Variants in CENPC observed in about 807,000 individuals in gnomAD.
CENPC encodes the protein CENP-C 1.
CENPC carries 63 observed loss-of-function variants against 112.1 expected under a neutral mutation model. The ratio of observed to expected loss-of-function variants is 0.56; its 90% CI spans 0.46 to 0.69. The LOEUF (loss-of-function observed/expected upper bound fraction) is 0.69, where lower values mean the gene tolerates loss of function less well. CENPC is among the 30% of genes least tolerant of loss of function. The pLI is 0.00. For missense variants in CENPC, 1,000 were observed against 1,103.8 expected, an observed-to-expected ratio of 0.91 and a Z score of 1.33; for synonymous variants, 333 against 367.6, an observed-to-expected ratio of 0.91 and a Z score of 1.08.
At chr4:67,490,725 CA>C (rs1725225754) in intron 16 of CENPC, among the ~76,000 whole-genome samples, 1 of 151,060 alleles carries the variant, frequency 6.6e-6, no homozygotes, top group Admixed American at 6.6e-5. Flanking sequence ...CATTACTTAA[CA>C]AACTTTTCCA....
chr4:67,534,877 G>GT (rs1467695229), intron 4 of CENPC, among the ~76,000 whole-genome samples: 3 of 152,086 alleles, frequency 2.0e-5, no homozygotes, highest in Non-Finnish European at 4.4e-5. Context: ...AATGAGCAAA[G>GT]TAAGTAAAAA....
intron 12 of CENPC, among the ~76,000 whole-genome samples, chr4:67,498,860 T>G (rs1725512020): frequency 6.6e-6 from 1 of 152,240 alleles, no homozygotes. Context: ...TCTAGAATGG[T>G]GAATCCTTTC....
intron 5 of CENPC, among the ~76,000 whole-genome samples, chr4:67,525,497 A>G (rs1726348925): frequency 6.6e-6 from 1 of 152,204 alleles, no homozygotes; most frequent in Admixed American, 6.5e-5. Context: ...TCCCATCAAA[A>G]AGTGGGCAAA....
intron 4 of CENPC, among the ~76,000 whole-genome samples, chr4:67,539,283 C>T (rs1726814937): frequency 6.6e-6 from 1 of 152,128 alleles, no homozygotes; most frequent in Admixed American, 6.5e-5. Context: ...TGTTGATTGC[C>T]TTTTACAGTT....
rs1188779148 is a variant in CENPC at position 67,519,333 on chromosome 4, T to C, written c.501A>G (p.Thr167=). The C allele has an allele frequency of 3.1e-6, 5 of 1,612,872 alleles. No homozygotes were observed. The South Asian group carries it at 4.4e-5, about 14-fold the overall frequency. The change falls in exon 6 of 19, where the codon ACA becomes ACG. Residue 167 remains threonine, a synonymous_variant. Transcript: ENST00000273853. The part of the protein sequence containing the change: ...GSPSVLLDAK[T]SVSQNVIPSS... Reference sequence around the variant, plus strand: ...ATGGAATAACATTTTGTGATACAGATGTTTTTGCATCCAAAAGAACAGAAG... The same window carrying C: ...ATGGAATAACATTTTGTGATACAGACGTTTTTGCATCCAAAAGAACAGAAG...
chr4:67,477,311 G>A (rs1359434137), intron 17 of CENPC, among the ~76,000 whole-genome samples: 1 of 152,184 alleles, frequency 6.6e-6, no homozygotes, highest in Non-Finnish European at 1.5e-5. Flanking sequence ...TCACTCCCCT[G>A]CTACCTCCAC....
Position 67,471,360 on chromosome 4 carries a change from T to C in CENPC, c.*1245A>G, listed in dbSNP as rs1012305518. On this transcript the variant is annotated 3_prime_UTR_variant, in exon 19 of 19. Transcript: ENST00000273853. ...ACAAAATTGAGTTGCTACAATATGCTACCTAAAATGTCCAGCTGTCAACCA... is the reference window on the plus strand; with the variant it reads ...ACAAAATTGAGTTGCTACAATATGCCACCTAAAATGTCCAGCTGTCAACCA... 3.3e-5 allele frequency: 5 copies of C among 152,112 alleles called. No individual in the cohort carries two copies. The highest frequency in any genetic ancestry group is 1.2e-4 in the African/African-American group (5 of 41,412). 9.4% of individuals were successfully genotyped at this position (152,112 alleles called of 1,614,324 possible).
At chr4:67,498,768 G>A (rs781738356) in intron 12 of CENPC, among the ~76,000 whole-genome samples, 1 of 152,014 alleles carries the variant, frequency 6.6e-6, no homozygotes, top group African/African-American at 2.4e-5. Context: ...CACCCATAAG[G>A]GTTGGAATCA....
chr4:67,544,286 C>A, intron 1 of CENPC, 91 bp from the exon 2 acceptor site: 1 of 709,926 alleles, frequency 1.4e-6, no homozygotes, highest in Non-Finnish European at 2.5e-6. Context: ...TATGGGCATG[C>A]TATACACCAA....
intron 12 of CENPC, among the ~76,000 whole-genome samples, chr4:67,502,402 GA>G (rs1263336247): frequency 7.8e-3 from 169 of 21,558 alleles, no homozygotes; most frequent in African/African-American, 0.027. Flanking sequence ...AAAAGATAAA[GA>G]AACAACAACC....
At chr4:67,529,359 C>T (rs952202341) in intron 5 of CENPC, among the ~76,000 whole-genome samples, 2 of 152,120 alleles carry the variant, frequency 1.3e-5, no homozygotes, top group Non-Finnish European at 2.9e-5. Context: ...GGGTCTCACT[C>T]TGTCGCCCAG....
At position 67,494,089 on chromosome 4, in the gene CENPC, G is replaced by A. The variant is rs369923101; in HGVS notation, c.2186-101C>T. 1.1e-4 allele frequency: 61 copies of A among 535,366 alleles called. No individual in the cohort carries two copies. The East Asian group carries it at 1.4e-3, about 13-fold the overall frequency. The allele number at this position is 535,366 out of a possible 1,614,324, so 33.2% of individuals were successfully genotyped here. A position where few individuals can be genotyped will look rare whatever the true frequency, so the allele number is the denominator to read the frequency against. ...TAGAACATGAAAGCTTTATTTTTTA[G>A]AACATGAATATTTTTCTAGACAAAA... On this transcript the variant is annotated intron_variant, in intron 13 of 18. Coordinates refer to ENST00000273853, the MANE Select transcript of CENPC (RefSeq NM_001812.4).
chr4:67,490,127 A>G lies in CENPC; in HGVS notation c.2516-6T>C. 6.3e-7 allele frequency: 1 copy of G among 1,579,922 alleles called. No individual in the cohort carries two copies. Among genetic ancestry groups the G allele is most frequent in the Middle Eastern group, 1.7e-4 (1 of 5,934 alleles). On this transcript the variant is annotated splice_polypyrimidine_tract_variant and splice_region_variant and intron_variant, in intron 16 of 18. Transcript: ENST00000273853. Reference sequence around the variant, plus strand: ...ATCTTGTGGCCTTACAAGATCTAGGAGTAAAACAGTAATACAAATATAAAA... The same window carrying G: ...ATCTTGTGGCCTTACAAGATCTAGGGGTAAAACAGTAATACAAATATAAAA...
At chr4:67,539,694 C>A in intron 4 of CENPC, 146 bp downstream of exon 4, 2 of 451,872 alleles carry the variant, frequency 4.4e-6, no homozygotes, top group Non-Finnish European at 7.8e-6. Flanking sequence ...CACAAAATAC[C>A]TCCAAATTTT....
chr4:67,502,457 C>G (rs901745594), intron 12 of CENPC, among the ~76,000 whole-genome samples: 1 of 152,046 alleles, frequency 6.6e-6, no homozygotes, highest in African/African-American at 2.4e-5. Flanking sequence ...TTAGACAAAA[C>G]AAACTACAAA....
chr4:67,492,718 G>T, intron 15 of CENPC, 151 bp downstream of exon 15: 1 of 1,178,556 alleles, frequency 8.5e-7, no homozygotes. Context: ...CTTTCCATTT[G>T]GAAGAAAGTA....
chr4:67,542,261 T>G (rs906397347), intron 2 of CENPC, among the ~76,000 whole-genome samples: 53 of 152,174 alleles, frequency 3.5e-4, no homozygotes, highest in African/African-American at 1.3e-3. Flanking sequence ...ACAGACAGTA[T>G]GTAAACAAAG....
At position 67,518,177 on chromosome 4, in the gene CENPC, A is replaced by G; in HGVS notation, c.809T>C (p.Val270Ala). 1 of 1,544,874 alleles carries G rather than the reference A, an allele frequency of 6.5e-7. No individual in the cohort carries two copies. The highest frequency in any genetic ancestry group is 1.2e-5 in the South Asian group (1 of 81,212). The change falls in exon 7 of 19, where the codon GTA (valine) becomes GCA (alanine). Residue 270 changes from valine (V) to alanine (A), a missense_variant. Val to Ala is a moderately conservative substitution (Grantham distance 64). Transcript: ENST00000273853. ...KSFSTLFLET[V>A]KRKSESSPIV... is the part of the protein sequence containing the mutation. ...TCACCTGGATTCACTTTTTCGTTTT[A>G]CTGTTTCTAAAAACAATGTTGAAAA...
At chr4:67,542,261 T>C (rs906397347) in intron 2 of CENPC, among the ~76,000 whole-genome samples, 1 of 152,174 alleles carries the variant, frequency 6.6e-6, no homozygotes. Context: ...ACAGACAGTA[T>C]GTAAACAAAG....
Sources: gnomAD v4.1 joint callset for allele counts (sites outside exome capture counted in the v4.1 genomes callset) on GRCh38, gnomAD v4.1.1 for gene constraint, MANE v1.5 for transcripts, NCBI Gene and HGNC (gene_info 2026-07-23, HGNC 2026-07-21) for gene names.